DLG2: variants seen among roughly 807,000 people sequenced by gnomAD.
DLG2 encodes the protein discs large MAGUK scaffold protein 2.
A neutral mutation model predicts 132.5 loss-of-function variants in DLG2; 45 were observed. The ratio of observed to expected loss-of-function variants is 0.34; its 90% CI spans 0.27 to 0.44. The LOEUF is 0.44. DLG2 is among the 20% of genes least tolerant of loss of function. The probability of loss-of-function intolerance (pLI) is 1.00; values close to 1 mark genes in which losing one functional copy is unlikely to be tolerated. For synonymous variants in DLG2, 424 were observed against 419.6 expected, an observed-to-expected ratio of 1.01 and a Z score of -0.13; for missense variants, 1,045 against 1,196.9, an observed-to-expected ratio of 0.87 and a Z score of 1.87.
chr11:83,850,158 G>GTTTT (rs1430673250), intron 16 of DLG2, among the ~76,000 whole-genome samples: 47 of 127,862 alleles, frequency 3.7e-4, no homozygotes, highest in African/African-American at 1.8e-3. Flanking sequence ...GTGTGTGTGT[G>GTTTT]TGTTTTTTTA....
intron 6 of DLG2, among the ~76,000 whole-genome samples, chr11:84,693,798 T>C (rs894396101): frequency 6.6e-6 from 1 of 151,658 alleles, no homozygotes; most frequent in East Asian, 1.9e-4. Context: ...TTCAGAAGTC[T>C]GCTTTTAATA....
chr11:85,035,601 A>G (rs951509124), intron 6 of DLG2, among the ~76,000 whole-genome samples: 2 of 152,188 alleles, frequency 1.3e-5, no homozygotes, highest in South Asian at 2.1e-4. Context: ...CTCTTTTGAC[A>G]CGTGGGTATT....
chr11:84,945,552 A>G lies in DLG2; in HGVS notation c.357+166109T>C, dbSNP rs1420966945. ...TGGGTCTCGCCCAAGACCCATGTCA[A>G]TCACTGACTGGTTACCACCGATGTT... On this transcript the variant is annotated intron_variant, in intron 6 of 27. Coordinates refer to ENST00000376104, the MANE Select transcript of DLG2 (RefSeq NM_001142699.3). 3.3e-5 allele frequency among the ~76,000 whole-genome samples: 5 copies of G among 152,180 alleles called. No individual in the cohort carries two copies. The East Asian group carries it at 7.7e-4, about 24-fold the overall frequency.
Position 85,285,765 on chromosome 11 carries a change from A to T in DLG2, c.41-400T>A, listed in dbSNP as rs372453680. ...ATGATTCCACCTATATAGCATCTGG[A>T]AAAAGTAAAACTAAAGAGATAGTTT... is the stretch of plus-strand genomic sequence containing the variant. On this transcript the variant is annotated intron_variant, in intron 3 of 27. Coordinates refer to ENST00000376104, the MANE Select transcript of DLG2 (RefSeq NM_001142699.3). Among the ~76,000 whole-genome samples the T allele has an allele frequency of 2.5e-3, 382 of 152,158 alleles. 3 individuals carry two copies. The highest frequency in any genetic ancestry group is 6.8e-3 in the Middle Eastern group (2 of 292).
At chr11:83,916,531 G>T (rs2076951399) in intron 15 of DLG2, among the ~76,000 whole-genome samples, 1 of 152,030 alleles carries the variant, frequency 6.6e-6, no homozygotes. Flanking sequence ...GGCCAGGCTG[G>T]TCTCAGACTC....
chr11:84,960,872 T>C (rs1253882760), intron 6 of DLG2, among the ~76,000 whole-genome samples: 1 of 152,106 alleles, frequency 6.6e-6, no homozygotes, highest in Non-Finnish European at 1.5e-5. Flanking sequence ...AAGTTTTTCA[T>C]TGTTCACCAA....
intron 11 of DLG2, among the ~76,000 whole-genome samples, chr11:83,995,907 G>A (rs987561323): frequency 6.6e-6 from 1 of 152,084 alleles, no homozygotes; most frequent in African/African-American, 2.4e-5. Flanking sequence ...CTATGACATT[G>A]GTTTGGGCAA....
chr11:84,433,371 G>A (rs1056700142), intron 7 of DLG2, among the ~76,000 whole-genome samples: 3 of 152,134 alleles, frequency 2.0e-5, no homozygotes, highest in Non-Finnish European at 4.4e-5. Context: ...TGGCCTTTTA[G>A]AGTAAGACAA....
intron 6 of DLG2, among the ~76,000 whole-genome samples, chr11:84,629,441 T>G (rs556176194): frequency 5.1e-4 from 77 of 152,296 alleles, no homozygotes; most frequent in Admixed American, 1.2e-3. Flanking sequence ...ATTAGCAGCA[T>G]CTCCAAGCTC....
chr11:85,278,764 T>TCTATAGTA (rs976360310), intron 4 of DLG2, among the ~76,000 whole-genome samples: 1 of 152,142 alleles, frequency 6.6e-6, no homozygotes, highest in Non-Finnish European at 1.5e-5. Flanking sequence ...TATGAAACCA[T>TCTATAGTA]CTCTAGTACT....
intron 6 of DLG2, among the ~76,000 whole-genome samples, chr11:84,571,363 CTCT>C (rs1410223136): frequency 2.6e-5 from 4 of 151,584 alleles, no homozygotes; most frequent in Non-Finnish European, 5.9e-5. Flanking sequence ...ACATCTTTGC[CTCT>C]TCTTCCTCCT....
At chr11:85,485,590 C>T (rs2093411865) in intron 3 of DLG2, among the ~76,000 whole-genome samples, 1 of 152,142 alleles carries the variant, frequency 6.6e-6, no homozygotes, top group South Asian at 2.1e-4. Context: ...AAGGGGGCAG[C>T]TCTCTTGGCT....
intron 10 of DLG2, among the ~76,000 whole-genome samples, chr11:84,079,728 G>A (rs1047461326): frequency 2.0e-5 from 3 of 151,518 alleles, no homozygotes; most frequent in Non-Finnish European, 4.4e-5. Flanking sequence ...CTTTCAAAAG[G>A]ATAAAGAATA....
chr11:84,967,395 C>T (rs879543467), intron 6 of DLG2, among the ~76,000 whole-genome samples: 2 of 152,062 alleles, frequency 1.3e-5, no homozygotes, highest in Non-Finnish European at 2.9e-5. Flanking sequence ...ATAGAAGAGA[C>T]TACAAAACAA....
At chr11:83,469,469 T>C (rs536043280) in intron 24 of DLG2, 96 bp from the exon 25 acceptor site, 4 of 889,744 alleles carry the variant, frequency 4.5e-6, no homozygotes, top group Admixed American at 5.3e-5. Context: ...CATTGATATG[T>C]AGAAATATGT....
chr11:83,968,483 G>A (rs1174700708), intron 12 of DLG2, among the ~76,000 whole-genome samples: 1 of 152,136 alleles, frequency 6.6e-6, no homozygotes, highest in Admixed American at 6.6e-5. Context: ...TACCTGTTAT[G>A]TGTCAGACTC....
At chr11:84,440,142 A>C (rs17205560) in intron 7 of DLG2, among the ~76,000 whole-genome samples, 5,211 of 152,238 alleles carry the variant, frequency 0.034, 175 homozygotes, top group South Asian at 0.19. Flanking sequence ...AGGCTTTATA[A>C]ATTTTTTTAT....
intron 6 of DLG2, among the ~76,000 whole-genome samples, chr11:85,024,305 C>T (rs568554920): frequency 6.6e-5 from 10 of 152,264 alleles, no homozygotes; most frequent in South Asian, 6.2e-4. Flanking sequence ...ATGTATCTGA[C>T]GCACATTTTA....
At chr11:85,153,579 C>A (rs147865538) in intron 5 of DLG2, among the ~76,000 whole-genome samples, 1 of 151,908 alleles carries the variant, frequency 6.6e-6, no homozygotes, top group Non-Finnish European at 1.5e-5. Context: ...CAGAAGATAT[C>A]CCTAAAAAAT....
Sources: allele counts gnomAD v4.1 joint callset (sites outside exome capture counted in the v4.1 genomes callset), GRCh38; gene constraint gnomAD v4.1.1; transcripts MANE v1.5; gene names NCBI Gene and HGNC (gene_info 2026-07-23, HGNC 2026-07-21).